The following SMYD3 variants were observed in gnomAD, a reference collection of about 807,000 sequenced individuals.
The protein encoded by SMYD3 is SET and MYND domain containing 3, also known as histone-lysine N-methyltransferase SMYD3.
Under a neutral mutation model 57.7 loss-of-function variants are expected in SMYD3, and 36 were observed. The ratio of observed to expected loss-of-function variants is 0.62; its 90% CI spans 0.48 to 0.82. The LOEUF (loss-of-function observed/expected upper bound fraction) is 0.82. Among genes scored for constraint, SMYD3 ranks in the 40% least tolerant of loss-of-function variants. The pLI is 0.00. For missense variants in SMYD3, 515 were observed against 538.8 expected (o/e 0.96, Z 0.44); for synonymous variants, 211 against 195.0 (o/e 1.08, Z -0.68).
intron 6 of SMYD3, among the ~76,000 whole-genome samples, 174 bp from the exon 7 acceptor site, chr1:245,928,207 C>T (rs1404630111): frequency 6.6e-6 from 1 of 152,066 alleles, no homozygotes; most frequent in Non-Finnish European, 1.5e-5. Flanking sequence ...ACTAGCACAC[C>T]TCCCACGAAG....
chr1:245,848,030 A>G (rs2050751692), intron 10 of SMYD3, among the ~76,000 whole-genome samples: 1 of 152,076 alleles, frequency 6.6e-6, no homozygotes, highest in Non-Finnish European at 1.5e-5. Context: ...CCAGGAGTGG[A>G]GTGTGGCTTC....
At chr1:246,405,068 C>T (rs976200260) in intron 1 of SMYD3, among the ~76,000 whole-genome samples, 2 of 152,158 alleles carry the variant, frequency 1.3e-5, no homozygotes, top group African/African-American at 2.4e-5. Flanking sequence ...CCTCCCACCT[C>T]AGCCTCCCAA....
chr1:245,942,805 A>G (rs1181695720), intron 5 of SMYD3, among the ~76,000 whole-genome samples: 1 of 152,208 alleles, frequency 6.6e-6, no homozygotes, highest in Non-Finnish European at 1.5e-5. Context: ...CAGCACAATC[A>G]AATTAGAACT....
At chr1:246,148,329 C>T (rs1171194724) in intron 5 of SMYD3, among the ~76,000 whole-genome samples, 1 of 152,038 alleles carries the variant, frequency 6.6e-6, no homozygotes, top group African/African-American at 2.4e-5. Context: ...GTCTGAACGG[C>T]CTGCTTGTGA....
At chr1:246,103,383 T>C (rs1334015605) in intron 5 of SMYD3, among the ~76,000 whole-genome samples, 1 of 152,032 alleles carries the variant, frequency 6.6e-6, no homozygotes, top group African/African-American at 2.4e-5. Context: ...AAAAATTATC[T>C]GTATCTTCAT....
chr1:245,852,667 C>T (rs78580324), intron 10 of SMYD3, among the ~76,000 whole-genome samples: 3,014 of 152,264 alleles, frequency 0.02, 100 homozygotes, highest in African/African-American at 0.069. Context: ...TCTTCATCTT[C>T]CCTCTTTCTC....
chr1:246,372,710 G>T (rs955145346), intron 1 of SMYD3, among the ~76,000 whole-genome samples: 1 of 152,178 alleles, frequency 6.6e-6, no homozygotes, highest in Non-Finnish European at 1.5e-5. Context: ...ATCTCTACTG[G>T]CCAGCTGCAG....
intron 8 of SMYD3, among the ~76,000 whole-genome samples, chr1:245,903,776 C>A (rs1475564841): frequency 6.6e-6 from 1 of 152,204 alleles, no homozygotes; most frequent in African/African-American, 2.4e-5. Flanking sequence ...TGTACCTTGG[C>A]CTCTTTTACC....
chr1:246,048,406 C>T (rs1020640601), intron 5 of SMYD3, among the ~76,000 whole-genome samples: 6 of 152,036 alleles, frequency 3.9e-5, no homozygotes, highest in African/African-American at 1.5e-4. Context: ...ATAAAAGGGC[C>T]AGTGTGCAAA....
chr1:246,148,614 A>G (rs1434663954), intron 5 of SMYD3, among the ~76,000 whole-genome samples: 10 of 152,190 alleles, frequency 6.6e-5, no homozygotes, highest in Non-Finnish European at 1.5e-5. Flanking sequence ...ATTTGGAGGC[A>G]AAGAATGGAG....
At chr1:246,084,141 G>A (rs2060687611) in intron 5 of SMYD3, among the ~76,000 whole-genome samples, 1 of 150,780 alleles carries the variant, frequency 6.6e-6, no homozygotes, top group Admixed American at 6.6e-5. Context: ...TAGAAAGATA[G>A]CCCCAAAGAC....
intron 5 of SMYD3, among the ~76,000 whole-genome samples, chr1:246,226,823 T>C (rs2063337116): frequency 6.6e-6 from 1 of 152,224 alleles, no homozygotes. Flanking sequence ...GAATTAAATA[T>C]ATTTTCTATG....
At chr1:246,407,026 T>C (rs1261050914) in intron 1 of SMYD3, among the ~76,000 whole-genome samples, 1 of 152,208 alleles carries the variant, frequency 6.6e-6, no homozygotes, top group Admixed American at 6.5e-5. Context: ...GGAATAAAAC[T>C]CTGCTATTCA....
intron 10 of SMYD3, among the ~76,000 whole-genome samples, chr1:245,837,409 G>A (rs571352455): frequency 1.0e-3 from 155 of 152,130 alleles, no homozygotes; most frequent in African/African-American, 3.6e-3. Context: ...GCTGGGCAAA[G>A]GGGCTAGAGC....
rs74735849 is a variant in SMYD3 at position 246,016,150 on chromosome 1, C to A, written c.532-86213G>T. ...GGCACTCTGGCTCACGCCTGTAGTC[C>A]CAGCTACTTGGGAGGCGGAGGTGGG... On this transcript the variant is annotated intron_variant, in intron 5 of 11. Transcript: ENST00000490107. Among the ~76,000 whole-genome samples the A allele has an allele frequency of 5.8e-3, 886 of 152,072 alleles. 9 individuals are homozygous for A. The highest frequency in any genetic ancestry group is 5.0e-3 in the Non-Finnish European group (339 of 67,984).
chr1:246,106,602 G>A (rs903850917), intron 5 of SMYD3, among the ~76,000 whole-genome samples: 3 of 152,158 alleles, frequency 2.0e-5, no homozygotes, highest in Admixed American at 2.0e-4. Flanking sequence ...CTAATATACC[G>A]AGGTGCCACA....
At chr1:245,951,030 C>G (rs932191531) in intron 5 of SMYD3, among the ~76,000 whole-genome samples, 1 of 152,004 alleles carries the variant, frequency 6.6e-6, no homozygotes, top group South Asian at 2.1e-4. Flanking sequence ...TTGAGAGCAC[C>G]AGCTCTCAAG....
At chr1:246,067,454 T>C (rs905836811) in intron 5 of SMYD3, among the ~76,000 whole-genome samples, 9 of 151,848 alleles carry the variant, frequency 5.9e-5, no homozygotes, top group African/African-American at 2.2e-4. Flanking sequence ...GGAGTGGGAG[T>C]TGCGGGACAA....
At chr1:246,027,318 G>T (rs575048879) in intron 5 of SMYD3, among the ~76,000 whole-genome samples, 6 of 152,198 alleles carry the variant, frequency 3.9e-5, no homozygotes, top group African/African-American at 1.4e-4. Flanking sequence ...CAGACTTTCA[G>T]TGTAGATGAA....
Sources: allele counts gnomAD v4.1 joint callset (sites outside exome capture counted in the v4.1 genomes callset), GRCh38; gene constraint gnomAD v4.1.1; transcripts MANE v1.5; gene names NCBI Gene and HGNC (gene_info 2026-07-23, HGNC 2026-07-21).